The following PGAP4 variants were observed in gnomAD, a reference collection of about 807,000 sequenced individuals.
The protein encoded by PGAP4 is post-GPI attachment to proteins GalNAc transferase 4, also known as GPI-N-acetylgalactosamine transferase PGAP4.
In PGAP4, 12 loss-of-function variants were observed where a neutral mutation model predicts 28.2. The ratio of observed to expected loss-of-function variants is 0.42; its 90% confidence interval spans 0.27 to 0.69. The LOEUF (loss-of-function observed/expected upper bound fraction) is 0.69. Among genes scored for constraint, PGAP4 ranks in the 30% least tolerant of loss-of-function variants. The pLI is 0.22. For synonymous variants in PGAP4, 205 were observed against 211.8 expected, an observed-to-expected ratio of 0.97 and a Z score of 0.28; for missense variants, 425 against 513.5, an observed-to-expected ratio of 0.83 and a Z score of 1.67.
intron 2 of PGAP4, among the ~76,000 whole-genome samples, chr9:101,495,665 A>T (rs1311033414): frequency 1.3e-5 from 2 of 150,070 alleles, no homozygotes; most frequent in Admixed American, 6.7e-5. Context: ...TAACCAAAAG[A>T]CTTAAAAAAA....
upstream of PGAP4, among the ~76,000 whole-genome samples, chr9:101,487,767 A>G (rs569000891): frequency 4.3e-4 from 66 of 152,276 alleles, no homozygotes; most frequent in Middle Eastern, 3.4e-3. Flanking sequence ...TTTTTGCAAT[A>G]TTTCATGGTT....
At chr9:101,512,803 G>A (rs1223601022) in intron 2 of PGAP4, among the ~76,000 whole-genome samples, 1 of 152,000 alleles carries the variant, frequency 6.6e-6, no homozygotes, top group Non-Finnish European at 1.5e-5. Context: ...GATTTAAGGG[G>A]GAAATATTTG....
upstream of PGAP4, among the ~76,000 whole-genome samples, chr9:101,487,453 C>A (rs886139652): frequency 6.6e-6 from 1 of 152,206 alleles, no homozygotes; most frequent in African/African-American, 2.4e-5. Context: ...TCAATTTAAA[C>A]ACAAACGGCC....
intron 2 of PGAP4, chr9:101,501,899 G>A: frequency 3.7e-5 from 15 of 403,132 alleles, no homozygotes; most frequent in South Asian, 3.1e-4. Flanking sequence ...TGCGGCAGAG[G>A]CCTCCGATTG....
At position 101,505,310 on chromosome 9, in the gene PGAP4, C is replaced by A. The variant is rs188590357; in HGVS notation, c.-164-16110G>T. Among the ~76,000 whole-genome samples the A allele has an allele frequency of 1.2e-3, 182 of 152,046 alleles. 1 individual carries two copies. Among genetic ancestry groups the A allele is most frequent in the Middle Eastern group, 3.4e-3 (1 of 294 alleles). Reference sequence around the variant, plus strand: ...GTTCATCTAAAAGGGGTACTTGAAACCCAGGTTTCCTGAATTAGGAAGACA... The same window carrying A: ...GTTCATCTAAAAGGGGTACTTGAAAACCAGGTTTCCTGAATTAGGAAGACA... On this transcript the variant is annotated intron_variant, in intron 2 of 3. Transcript: ENST00000374851.
intron 2 of PGAP4, among the ~76,000 whole-genome samples, chr9:101,528,640 T>A (rs1827057012): frequency 6.6e-6 from 1 of 151,938 alleles, no homozygotes; most frequent in African/African-American, 2.4e-5. Context: ...CCAGTGAAAA[T>A]TCACAAAGAC....
chr9:101,519,933 C>T (rs573905841), intron 2 of PGAP4, among the ~76,000 whole-genome samples: 2 of 152,296 alleles, frequency 1.3e-5, no homozygotes, highest in East Asian at 1.9e-4. Context: ...CATTCTCCTA[C>T]ATGTGGCTAG....
chr9:101,525,789 A>T (rs1827031393), intron 2 of PGAP4, among the ~76,000 whole-genome samples: 1 of 152,102 alleles, frequency 6.6e-6, no homozygotes, highest in Admixed American at 6.5e-5. Flanking sequence ...ATTCAACAAC[A>T]TATTCTTATA....
chr9:101,532,987 A>C (rs1320062618), exon 1 of PGAP4: 2 of 152,216 alleles, frequency 1.3e-5, no homozygotes, highest in East Asian at 3.8e-4. Flanking sequence ...AGTTTATCAT[A>C]GTTCTGCGAG....
upstream of PGAP4, among the ~76,000 whole-genome samples, chr9:101,490,105 C>A (rs897284891): frequency 3.9e-5 from 6 of 152,152 alleles, no homozygotes; most frequent in African/African-American, 1.4e-4. Flanking sequence ...TTTCTGCCAG[C>A]ACTTCACTGT....
intron 2 of PGAP4, among the ~76,000 whole-genome samples, chr9:101,517,515 A>G (rs369119209): frequency 3.3e-5 from 5 of 152,180 alleles, no homozygotes; most frequent in African/African-American, 1.2e-4. Flanking sequence ...TTAAAAACGC[A>G]AAGTTAAAAG....
At chr9:101,477,219 C>CAAACAA in intron 1 of PGAP4, 50 bp from the exon 2 acceptor site, 1 of 1,329,118 alleles carries the variant, frequency 7.5e-7, no homozygotes, top group Non-Finnish European at 9.9e-7. Flanking sequence ...AAAAAACAAA[C>CAAACAA]AAACAAACAA....
intron 1 of PGAP4, among the ~76,000 whole-genome samples, chr9:101,531,964 G>C (rs971333320): frequency 1.2e-4 from 18 of 152,254 alleles, no homozygotes; most frequent in South Asian, 2.1e-4. Context: ...ATAAAAGAGA[G>C]CCACGCCAAG....
At chr9:101,517,583 T>C (rs1826953145) in intron 2 of PGAP4, among the ~76,000 whole-genome samples, 1 of 152,086 alleles carries the variant, frequency 6.6e-6, no homozygotes, top group South Asian at 2.1e-4. Context: ...GAAAACTACA[T>C]AAAAATAAAA....
intron 2 of PGAP4, among the ~76,000 whole-genome samples, chr9:101,527,708 T>C (rs186022872): frequency 1.2e-4 from 18 of 152,372 alleles, no homozygotes; most frequent in Admixed American, 1.2e-3. Flanking sequence ...GCATGCCTTA[T>C]GCTTATACAG....
chr9:101,477,231 C>A (rs968839370), intron 1 of PGAP4, 62 bp from the exon 2 acceptor site: 8 of 1,304,716 alleles, frequency 6.1e-6, no homozygotes, highest in East Asian at 2.6e-5. Context: ...AACAAACAAA[C>A]AAAAAAACAA....
chr9:101,479,687 C>G (rs997061478), intron 1 of PGAP4, among the ~76,000 whole-genome samples: 5 of 152,324 alleles, frequency 3.3e-5, no homozygotes, highest in Admixed American at 6.5e-5. Flanking sequence ...TATTGATCAG[C>G]TTTGCTGGGG....
At chr9:101,513,910 C>T (rs1826920025) in intron 2 of PGAP4, among the ~76,000 whole-genome samples, 1 of 152,100 alleles carries the variant, frequency 6.6e-6, no homozygotes, top group African/African-American at 2.4e-5. Context: ...GTTGTGAGTC[C>T]TGGAGTTCCA....
At chr9:101,491,109 T>C (rs568139069), upstream of PGAP4, among the ~76,000 whole-genome samples, 10 of 152,290 alleles carry the variant, frequency 6.6e-5, no homozygotes, top group African/African-American at 2.4e-4. Flanking sequence ...TATTAGTTAA[T>C]TGTCATACTT....
Sources: allele counts gnomAD v4.1 joint callset (sites outside exome capture counted in the v4.1 genomes callset), GRCh38; gene constraint gnomAD v4.1.1; transcripts MANE v1.5; gene names NCBI Gene and HGNC (gene_info 2026-07-23, HGNC 2026-07-21).